GRID2: variants seen among roughly 807,000 people sequenced by gnomAD.
GRID2 encodes the protein glutamate ionotropic receptor delta type subunit 2, also known as glutamate receptor ionotropic, delta-2.
Under a neutral mutation model 114.8 loss-of-function variants are expected in GRID2, and 33 were observed. The observed-to-expected ratio is 0.29, with a 90% CI of 0.22 to 0.38. The LOEUF (loss-of-function observed/expected upper bound fraction) is 0.38. Ranked by LOEUF, GRID2 falls within the 10% of genes least tolerant of loss-of-function variation. GRID2 has a pLI of 1.00. For synonymous variants in GRID2, 505 were observed against 449.9 expected, an observed-to-expected ratio of 1.12 and a Z score of -1.55; for missense variants, 1,184 against 1,257.7, an observed-to-expected ratio of 0.94 and a Z score of 0.89.
At chr4:93,466,089 G>A (rs1724244110) in intron 11 of GRID2, among the ~76,000 whole-genome samples, 1 of 152,052 alleles carries the variant, frequency 6.6e-6, no homozygotes, top group Non-Finnish European at 1.5e-5. Context: ...TTAGGGTTTT[G>A]TTTTGGGAAT....
intron 14 of GRID2, among the ~76,000 whole-genome samples, chr4:93,627,864 G>A (rs1047876919): frequency 2.6e-5 from 4 of 152,134 alleles, no homozygotes; most frequent in African/African-American, 9.7e-5. Context: ...CCACATATAG[G>A]GAAGGAAGGA....
chr4:92,782,313 T>A (rs1303474606), intron 2 of GRID2, among the ~76,000 whole-genome samples: 2 of 151,404 alleles, frequency 1.3e-5, no homozygotes, highest in Non-Finnish European at 2.9e-5. Context: ...TAATGCTTAT[T>A]TATTATCTTA....
intron 4 of GRID2, among the ~76,000 whole-genome samples, chr4:93,179,406 T>A (rs1206577471): frequency 6.6e-6 from 1 of 152,186 alleles, no homozygotes; most frequent in Non-Finnish European, 1.5e-5. Context: ...GTCATTTTCC[T>A]TATTCTTGTT....
At chr4:92,737,713 C>T (rs982804267) in intron 2 of GRID2, among the ~76,000 whole-genome samples, 1 of 151,996 alleles carries the variant, frequency 6.6e-6, no homozygotes, top group Non-Finnish European at 1.5e-5. Context: ...AAACAGATAC[C>T]TCTTACAGAT....
At chr4:92,806,821 G>A (rs946297600) in intron 2 of GRID2, among the ~76,000 whole-genome samples, 7 of 151,780 alleles carry the variant, frequency 4.6e-5, no homozygotes, top group South Asian at 2.1e-4. Flanking sequence ...TTAACTCAAA[G>A]AAAGTTATCA....
At chr4:93,671,735 G>C (rs1009892247) in intron 14 of GRID2, among the ~76,000 whole-genome samples, 3 of 152,106 alleles carry the variant, frequency 2.0e-5, no homozygotes, top group Non-Finnish European at 4.4e-5. Context: ...TTGGGAGACT[G>C]AGGTGGGTGG....
chr4:92,963,643 T>A (rs763707111), intron 2 of GRID2, among the ~76,000 whole-genome samples: 2 of 152,022 alleles, frequency 1.3e-5, no homozygotes, highest in Non-Finnish European at 2.9e-5. Context: ...CGGTCATTCA[T>A]GAAAGTTGGC....
intron 1 of GRID2, among the ~76,000 whole-genome samples, chr4:92,453,999 C>G (rs1721079803): frequency 6.6e-6 from 1 of 152,134 alleles, no homozygotes; most frequent in Non-Finnish European, 1.5e-5. Flanking sequence ...ACTTTGGCCA[C>G]AGCCAAAACA....
At chr4:92,330,736 A>G (rs1726840750) in intron 1 of GRID2, among the ~76,000 whole-genome samples, 1 of 151,968 alleles carries the variant, frequency 6.6e-6, no homozygotes, top group Non-Finnish European at 1.5e-5. Flanking sequence ...ATGTCATTAT[A>G]AAATATATAT....
chr4:92,900,024 C>T (rs920740218), intron 2 of GRID2, among the ~76,000 whole-genome samples: 1 of 151,970 alleles, frequency 6.6e-6, no homozygotes, highest in Non-Finnish European at 1.5e-5. Flanking sequence ...GAAAATGTGC[C>T]TGATGACTTT....
chr4:92,637,307 C>G (rs1386891896), intron 2 of GRID2, among the ~76,000 whole-genome samples: 2 of 151,788 alleles, frequency 1.3e-5, no homozygotes, highest in Non-Finnish European at 2.9e-5. Context: ...CAGGGTTAAT[C>G]ACATAAATTA....
intron 11 of GRID2, among the ~76,000 whole-genome samples, chr4:93,485,543 A>G (rs756129087): frequency 5.9e-5 from 9 of 151,628 alleles, no homozygotes; most frequent in Non-Finnish European, 7.4e-5. Flanking sequence ...GCATGGTATT[A>G]ATTTCTGTGT....
intron 1 of GRID2, among the ~76,000 whole-genome samples, chr4:93,804,281 T>C (rs893424013): frequency 2.0e-5 from 3 of 152,168 alleles, no homozygotes; most frequent in African/African-American, 7.2e-5. Context: ...TGGAGATCCA[T>C]TCAGGAAAAA....
At chr4:92,887,211 G>A (rs1746436783) in intron 2 of GRID2, among the ~76,000 whole-genome samples, 1 of 152,210 alleles carries the variant, frequency 6.6e-6, no homozygotes. Flanking sequence ...AGAAAGCCCA[G>A]CAACATAATG....
chr4:92,397,057 G>T (rs1360626190), intron 1 of GRID2, among the ~76,000 whole-genome samples: 1 of 151,382 alleles, frequency 6.6e-6, no homozygotes, highest in Non-Finnish European at 1.5e-5. Context: ...TTCAAGGCAA[G>T]TATTCTAAAA....
chr4:93,127,599 A>C (rs1734395356), intron 4 of GRID2, among the ~76,000 whole-genome samples: 1 of 152,158 alleles, frequency 6.6e-6, no homozygotes, highest in Non-Finnish European at 1.5e-5. Context: ...GATAGATGCA[A>C]GTTTAGCCTC....
intron 1 of GRID2, among the ~76,000 whole-genome samples, chr4:92,367,651 A>T (rs996123126): frequency 2.0e-5 from 3 of 152,094 alleles, no homozygotes; most frequent in African/African-American, 7.2e-5. Context: ...ATCACTTAGG[A>T]TACATAAGCT....
intron 13 of GRID2, among the ~76,000 whole-genome samples, chr4:93,564,228 A>G (rs1222163017): frequency 6.6e-6 from 1 of 151,930 alleles, no homozygotes; most frequent in Admixed American, 6.6e-5. Flanking sequence ...CCCTGACTTG[A>G]TTTTGCGTGA....
At chr4:93,163,378 A>AC (rs370297302) in intron 4 of GRID2, among the ~76,000 whole-genome samples, 13 of 45,346 alleles carry the variant, frequency 2.9e-4, no homozygotes, top group Admixed American at 1.1e-3. Context: ...ATATATATAT[A>AC]TATATATATA....
Sources: allele counts gnomAD v4.1 joint callset (sites outside exome capture counted in the v4.1 genomes callset), GRCh38; gene constraint gnomAD v4.1.1; transcripts MANE v1.5; gene names NCBI Gene and HGNC (gene_info 2026-07-23, HGNC 2026-07-21).